Variants in TRAPPC10 observed in about 807,000 individuals in gnomAD.
TRAPPC10 encodes trafficking protein particle complex subunit 10, also known as TRAPP 130 kDa subunit.
In TRAPPC10, 23 loss-of-function variants were observed where a neutral mutation model predicts 125.5. The ratio of observed to expected loss-of-function variants is 0.18; its 90% CI spans 0.13 to 0.26. The LOEUF is 0.26. Ranked by LOEUF, TRAPPC10 falls within the 10% of genes least tolerant of loss-of-function variation. The probability of loss-of-function intolerance (pLI) is 1.00; values close to 1 mark genes in which losing one functional copy is unlikely to be tolerated. For missense variants in TRAPPC10, 1,123 were observed against 1,308.4 expected, an observed-to-expected ratio of 0.86 and a Z score of 2.19; for synonymous variants, 509 against 518.0, an observed-to-expected ratio of 0.98 and a Z score of 0.24.
At chr21:44,074,545 T>G in intron 8 of TRAPPC10, 75 bp downstream of exon 8, 1 of 1,589,154 alleles carries the variant, frequency 6.3e-7, no homozygotes, top group East Asian at 2.2e-5. Flanking sequence ...AAGTCTGCTG[T>G]TTGGAGGAGA....
intron 10 of TRAPPC10, among the ~76,000 whole-genome samples, chr21:44,077,235 T>C (rs1337001852): frequency 3.9e-5 from 6 of 152,210 alleles, no homozygotes. Flanking sequence ...TTTGCTTATA[T>C]ATTACAGAAA....
At chr21:44,074,996 C>G in intron 8 of TRAPPC10, 43 bp from the exon 9 acceptor site, 1 of 1,378,994 alleles carries the variant, frequency 7.3e-7, no homozygotes, top group Non-Finnish European at 1.0e-6. Flanking sequence ...TCCCTGCTGA[C>G]TCTTACGGCA....
At chr21:44,088,696 G>A (rs1052123579) in intron 17 of TRAPPC10, 1 of 155,448 alleles carries the variant, frequency 6.4e-6, no homozygotes, top group African/African-American at 2.5e-5. Context: ...CTCAGCAGGA[G>A]CGCGCAGCAC....
At chr21:44,089,415 A>G (rs2038416224) in intron 17 of TRAPPC10, 1 of 395,824 alleles carries the variant, frequency 2.5e-6, no homozygotes, top group Non-Finnish European at 5.2e-6. Context: ...TTCATTAACT[A>G]TGGAGTAGTT....
In TRAPPC10 at chr21:44,079,654, C is replaced by T. The variant is rs1159786117; in HGVS notation, c.1560C>T (p.His520=). The change falls in exon 12 of 23, where the codon CAC becomes CAT. Residue 520 remains histidine, a synonymous_variant. Coordinates refer to ENST00000291574, the MANE Select transcript of TRAPPC10 (RefSeq NM_003274.5). ...LAEGWALPIT[H]TRKQLAECQK... is the part of the protein sequence containing the mutation. ...AGGGCTGGGCACTCCCCATCACACA[C>T]ACAAGGAAGCAGCTGGCCGAATGTC... is the stretch of plus-strand genomic sequence containing the variant. The T allele has an allele frequency of 5.6e-6, 9 of 1,611,006 alleles. No homozygotes were observed. Among genetic ancestry groups the T allele is most frequent in the African/African-American group, 1.3e-5 (1 of 74,818 alleles).
At chr21:44,095,043 A>T (rs911343395) in intron 20 of TRAPPC10, among the ~76,000 whole-genome samples, 2 of 148,950 alleles carry the variant, frequency 1.3e-5, no homozygotes, top group Admixed American at 6.7e-5. Flanking sequence ...ATAATAATTT[A>T]TATATAAACA....
At chr21:44,094,345 C>A in intron 20 of TRAPPC10, 112 bp downstream of exon 20, 2 of 1,056,630 alleles carry the variant, frequency 1.9e-6, no homozygotes, top group Non-Finnish European at 2.7e-6. Context: ...AATGAAGGAG[C>A]AGCTGGAGAA....
intron 2 of TRAPPC10, 117 bp from the exon 3 acceptor site, chr21:44,037,675 G>A (rs2034089048): frequency 3.4e-6 from 4 of 1,165,428 alleles, no homozygotes; most frequent in Non-Finnish European, 4.9e-6. Flanking sequence ...ATGATTTGGG[G>A]TTAATATATG....
intron 3 of TRAPPC10, chr21:44,047,017 C>A (rs2034870762): frequency 1.3e-6 from 1 of 766,018 alleles, no homozygotes; most frequent in Non-Finnish European, 2.3e-6. Context: ...TTTCTGGAGT[C>A]CTTTCCCACC....
At chr21:44,074,266 G>A in intron 7 of TRAPPC10, 58 bp from the exon 8 acceptor site, 1 of 1,607,420 alleles carries the variant, frequency 6.2e-7, no homozygotes, top group East Asian at 2.2e-5. Flanking sequence ...ATGTGGGTTT[G>A]TTCAAGCTAG....
At chr21:44,089,798 A>C in intron 17 of TRAPPC10, 35 bp from the exon 18 acceptor site, 2 of 1,554,292 alleles carry the variant, frequency 1.3e-6, no homozygotes, top group East Asian at 2.2e-5. Context: ...TCCGTCGGCG[A>C]GTGGTCTGAG....
chr21:44,091,891 T>A, intron 18 of TRAPPC10, 32 bp from the exon 19 acceptor site: 1 of 1,605,856 alleles, frequency 6.2e-7, no homozygotes, highest in Non-Finnish European at 8.5e-7. Context: ...TTCTTACATA[T>A]CAAAATAATA....
intron 4 of TRAPPC10, 86 bp downstream of exon 4, chr21:44,052,562 C>T: frequency 1.6e-6 from 2 of 1,288,868 alleles, no homozygotes; most frequent in Non-Finnish European, 1.1e-6. Context: ...TAAATATTTA[C>T]TCAGCAATCT....
chr21:44,082,790 C>T lies in TRAPPC10; in HGVS notation c.1726C>T (p.His576Tyr). The change falls in exon 14 of 23, where the codon CAT (histidine) becomes TAT (tyrosine). Residue 576 changes from histidine to tyrosine, a missense_variant and splice_region_variant. Coordinates refer to ENST00000291574, the MANE Select transcript of TRAPPC10 (RefSeq NM_003274.5). This position sits in a 1 kb window ranked among gnomAD's most constrained non-coding sequence, Gnocchi z 4.4. ...FASQPSDSPG[H>Y]KIVLPMHSFA... ...CTTACGATAATGTCTATTTACAGGT[C>T]ATAAGATAGTGCTACCCATGCATTC... 6.2e-7 allele frequency: 1 copy of T among 1,613,804 alleles called. No individual in the cohort carries two copies. Among genetic ancestry groups the T allele is most frequent in the South Asian group, 1.1e-5 (1 of 91,030 alleles).
chr21:44,046,897 C>T, intron 3 of TRAPPC10: 8 of 825,370 alleles, frequency 9.7e-6, no homozygotes, highest in Middle Eastern at 2.4e-4. Flanking sequence ...CAGCGGCAGT[C>T]GCGCCCACAC....
chr21:44,054,418 GA>G lies in TRAPPC10; in HGVS notation c.483-1274del, dbSNP rs201340387. ...CCTCCAAAGGATATGCTGGGGCACG[GA>G]AAAAAGGAACTTAGAGTCAGTTCAT... On this transcript the variant is annotated intron_variant, in intron 4 of 22. Coordinates refer to ENST00000291574, the MANE Select transcript of TRAPPC10 (RefSeq NM_003274.5). Among the ~76,000 whole-genome samples the G allele has an allele frequency of 9.7e-3, 1,472 of 152,150 alleles. 14 individuals are homozygous for G. The highest frequency in any genetic ancestry group is 0.044 in the Middle Eastern group (13 of 294).
chr21:44,092,100 G>A lies in TRAPPC10; in HGVS notation c.2997+51G>A, dbSNP rs138437274. 2.2e-4 allele frequency: 357 copies of A among 1,602,780 alleles called. 2 individuals are homozygous for A. In the African/African-American group the frequency reaches 3.0e-3, roughly 14 times the overall value. ...AAACTTCTCAACAGAGAACCAGAGT[G>A]TACGGAAATGATGTAGTATGTGTTG... On this transcript the variant is annotated intron_variant, in intron 19 of 22. Transcript: ENST00000291574.
chr21:44,047,672 C>G (rs2034952492), intron 3 of TRAPPC10, among the ~76,000 whole-genome samples: 1 of 152,042 alleles, frequency 6.6e-6, no homozygotes, highest in Non-Finnish European at 1.5e-5. Flanking sequence ...ATTGCTGCTG[C>G]TCTGTCTTCG....
chr21:44,035,551 G>A (rs966271572), intron 2 of TRAPPC10, among the ~76,000 whole-genome samples: 1 of 152,158 alleles, frequency 6.6e-6, no homozygotes, highest in African/African-American at 2.4e-5. Context: ...GCACTTGGGA[G>A]GCCAAGGCGG....
Sources: gnomAD v4.1 joint callset for allele counts (sites outside exome capture counted in the v4.1 genomes callset) on GRCh38, gnomAD v4.1.1 for gene constraint, Gnocchi (gnomAD v3.1) non-coding constraint, MANE v1.5 for transcripts, NCBI Gene and HGNC (gene_info 2026-07-23, HGNC 2026-07-21) for gene names.